The following PLCH2 variants were observed in gnomAD, a reference collection of about 807,000 sequenced individuals.
PLCH2 encodes the protein 1-phosphatidylinositol 4,5-bisphosphate phosphodiesterase eta-2.
Under a neutral mutation model 134.7 loss-of-function variants are expected in PLCH2, and 98 were observed. The ratio of observed to expected loss-of-function variants is 0.73; its 90% CI spans 0.62 to 0.86. The LOEUF is 0.86. Ranked by LOEUF, PLCH2 falls within the 40% of genes least tolerant of loss-of-function variation. The pLI, the probability that PLCH2 is intolerant of heterozygous loss-of-function variation, is 0.00. For missense variants in PLCH2, 1,994 were observed against 1,986.6 expected, an observed-to-expected ratio of 1.00 and a Z score of -0.07; for synonymous variants, 974 against 827.5, an observed-to-expected ratio of 1.18 and a Z score of -3.04.
rs1643389533 is a variant in PLCH2 at position 2,504,044 on chromosome 1, C to G, written c.3082C>G (p.Gln1028Glu). 2 of 1,545,980 alleles carry G rather than the reference C, an allele frequency of 1.3e-6. No homozygotes were observed. The highest frequency in any genetic ancestry group is 1.7e-6 in the Non-Finnish European group (2 of 1,143,984). The change falls in exon 22 of 22, where the codon CAG (glutamine) becomes GAG (glutamate). Residue 1028 changes from glutamine (Q) to glutamate (E), a missense_variant. Coordinates refer to ENST00000378486, the MANE Select transcript of PLCH2 (RefSeq NM_014638.4). ...PPAAVPTSSS[Q>E]GRPPYPTGPG... ...AGCGGCTGTCCCCACCAGCTCTTCT[C>G]AGGGACGGCCCCCATACCCCACAGG...
intron 21 of PLCH2, 118 bp downstream of exon 21, chr1:2,502,527 C>A: frequency 9.1e-7 from 1 of 1,103,754 alleles, no homozygotes. Context: ...GTGGTGGGAT[C>A]CTGCGCCGGC....
At chr1:2,489,527 C>T (rs1642453644) in intron 9 of PLCH2, 149 bp downstream of exon 9, 5 of 835,260 alleles carry the variant, frequency 6.0e-6, no homozygotes, top group Non-Finnish European at 9.3e-6. Flanking sequence ...TGGCCTCCAT[C>T]TCCCCATGGT....
chr1:2,489,815 A>T lies in PLCH2; in HGVS notation c.1463A>T (p.Asp488Val). The T allele has an allele frequency of 6.2e-7, 1 of 1,613,784 alleles. No homozygotes were observed. The highest frequency in any genetic ancestry group is 8.5e-7 in the Non-Finnish European group (1 of 1,179,846). Residue 488 changes from aspartate (D) to valine (V), a missense_variant, in exon 10 of 22, where the codon GAT (aspartate) becomes GTT (valine). Physicochemically the swap from Asp to Val is radical, Grantham distance 152. Coordinates refer to ENST00000378486, the MANE Select transcript of PLCH2 (RefSeq NM_014638.4). ...SEDAEEGEVS[D>V]EDSADEIDDD... Reference sequence around the variant, plus strand: ...GATGCGGAGGAAGGCGAGGTGTCTGATGAGGACAGTGCTGATGAGATTGAC... The same window carrying T: ...GATGCGGAGGAAGGCGAGGTGTCTGTTGAGGACAGTGCTGATGAGATTGAC...
intron 2 of PLCH2, among the ~76,000 whole-genome samples, chr1:2,430,803 A>G (rs1010384979): frequency 6.6e-6 from 1 of 152,236 alleles, no homozygotes; most frequent in African/African-American, 2.4e-5. Context: ...ACCCCAGGGC[A>G]GGTGGGGCCG....
chr1:2,489,342 C>T lies in PLCH2; in HGVS notation c.1371C>T (p.Pro457=), dbSNP rs371479967. The T allele has an allele frequency of 2.5e-6, 4 of 1,613,734 alleles. No individual in the cohort carries two copies. Among genetic ancestry groups the T allele is most frequent in the Non-Finnish European group, 3.4e-6 (4 of 1,179,892 alleles). Reference sequence around the variant, plus strand: ...GCAGTGAAGATGCCACCACACTCCCCTCTCCACAGATGCTCAAGGGCAAGA... The same window carrying T: ...GCAGTGAAGATGCCACCACACTCCCTTCTCCACAGATGCTCAAGGGCAAGA... ...SVSSEDATTL[P]SPQMLKGKIL... Residue 457 remains proline, a synonymous_variant, in exon 9 of 22, where the codon CCC becomes CCT. Coordinates refer to ENST00000378486, the MANE Select transcript of PLCH2 (RefSeq NM_014638.4).
chr1:2,487,622 G>A lies in PLCH2; in HGVS notation c.1139G>A (p.Gly380Glu). Residue 380 changes from glycine to glutamate, a missense_variant, in exon 8 of 22, where the codon GGG becomes GAG. Gly to Glu is a moderately conservative substitution (Grantham distance 98, BLOSUM62 -2). Around this residue, in one of 2 missense-constraint regions of PLCH2, gnomAD observed 1,094 missense variants for 1,234.3 expected, o/e 0.89. Coordinates refer to ENST00000378486, the MANE Select transcript of PLCH2 (RefSeq NM_014638.4). ...GTGGACTGCTGGGATGGGCCCGACG[G>A]GGAGCCCATTGTGCACCATGGCTAC... Reference protein sequence around the residue: ...VEVDCWDGPDGEPIVHHGYTL... With the variant: ...VEVDCWDGPDEEPIVHHGYTL... The A allele has an allele frequency of 6.2e-7, 1 of 1,613,240 alleles. No individual in the cohort carries two copies. The highest frequency in any genetic ancestry group is 8.5e-7 in the Non-Finnish European group (1 of 1,179,794).
In PLCH2 at chr1:2,487,367, T is replaced by A; in HGVS notation, c.1105T>A (p.Cys369Ser). The A allele has an allele frequency of 6.2e-7, 1 of 1,612,680 alleles. No homozygotes were observed. The highest frequency in any genetic ancestry group is 1.1e-5 in the South Asian group (1 of 91,016). ...TTGGGTCCTGCAGGCTGGCTGCCGC[T>A]GCGTGGAGGGTAAGCCCTGGACCTT... ...YAWVLQAGCR[C>S]VEVDCWDGPD... Residue 369 changes from cysteine to serine, a missense_variant, in exon 7 of 22, where the codon TGC (cysteine) becomes AGC (serine). By Grantham distance (112) the Cys-to-Ser change is moderately radical. Transcript: ENST00000378486.
chr1:2,453,692 C>T (rs1640351361), intron 2 of PLCH2, among the ~76,000 whole-genome samples: 1 of 152,208 alleles, frequency 6.6e-6, no homozygotes, highest in Non-Finnish European at 1.5e-5. Flanking sequence ...GGAAAGTGCA[C>T]CCCAGTGCCT....
At chr1:2,423,174 TTTGTTTGTTTGTTTG>T (rs1376242599), upstream of PLCH2, among the ~76,000 whole-genome samples, 45 of 89,954 alleles carry the variant, frequency 5.0e-4, 1 homozygote, top group East Asian at 8.1e-3. Context: ...AGTTTTTTTG[TTTGTTTGTTTGTTTG>T]TTGTTTGTTT....
chr1:2,425,164 C>CA (rs59406327), upstream of PLCH2, among the ~76,000 whole-genome samples: 32,621 of 86,062 alleles, frequency 0.38, 5,373 homozygotes, highest in East Asian at 0.47. Flanking sequence ...CACTCCGTCT[C>CA]AAAAAAAAAA....
At chr1:2,423,307 C>T (rs1044876670), upstream of PLCH2, among the ~76,000 whole-genome samples, 13 of 152,194 alleles carry the variant, frequency 8.5e-5, no homozygotes, top group African/African-American at 2.9e-4. Flanking sequence ...CCTGCCTCAG[C>T]TTCCTGAGTA....
At chr1:2,461,118 A>G (rs1409100018) in intron 2 of PLCH2, among the ~76,000 whole-genome samples, 3 of 152,196 alleles carry the variant, frequency 2.0e-5, no homozygotes, top group Non-Finnish European at 4.4e-5. Context: ...ATTGGTGGCC[A>G]TGGGGCAGTG....
At chr1:2,486,752 G>A (rs185125128) in intron 5 of PLCH2, among the ~76,000 whole-genome samples, 155 bp from the exon 6 acceptor site, 51 of 152,338 alleles carry the variant, frequency 3.3e-4, no homozygotes, top group Middle Eastern at 6.8e-3. Flanking sequence ...CGTGATCCAC[G>A]GTAGTCCCAA....
intron 2 of PLCH2, among the ~76,000 whole-genome samples, chr1:2,435,953 C>T (rs538713616): frequency 5.7e-5 from 8 of 139,684 alleles, no homozygotes; most frequent in Middle Eastern, 3.7e-3. Context: ...TCCCTCCTCT[C>T]CTCCTCCCTC....
rs752474507 is a variant in PLCH2 at position 2,504,525 on chromosome 1, C to T, written c.3563C>T (p.Ser1188Leu). The change falls in exon 22 of 22, where the codon TCG becomes TTG. Residue 1188 changes from serine (S) to leucine (L), a missense_variant. Ser to Leu is a moderately radical substitution (Grantham distance 145). Coordinates refer to ENST00000378486, the MANE Select transcript of PLCH2 (RefSeq NM_014638.4). ...GRLPPRPHSA[S>L]AARPDLPPVT... Reference sequence around the variant, plus strand: ...CTGCCCCCCAGGCCCCACTCGGCTTCGGCTGCCCGCCCAGACCTGCCACCT... The same window carrying T: ...CTGCCCCCCAGGCCCCACTCGGCTTTGGCTGCCCGCCCAGACCTGCCACCT... 9.9e-6 allele frequency: 16 copies of T among 1,612,484 alleles called. No individual in the cohort carries two copies. The highest frequency in any genetic ancestry group is 6.7e-5 in the Admixed American group (4 of 60,016).
intron 13 of PLCH2, 31 bp downstream of exon 13, chr1:2,495,601 C>T: frequency 1.3e-6 from 2 of 1,490,224 alleles, no homozygotes; most frequent in Non-Finnish European, 1.8e-6. Context: ...GGAGGCCCCG[C>T]ACACTCCTGG....
Position 2,476,517 on chromosome 1 carries a change from C to T in PLCH2, c.-72C>T. 3 of 1,406,666 alleles carry T rather than the reference C, an allele frequency of 2.1e-6. No homozygotes were observed. The highest frequency in any genetic ancestry group is 2.8e-6 in the Non-Finnish European group (3 of 1,077,134). The allele number at this position is 1,406,666 out of a possible 1,614,324, so 87.1% of individuals were successfully genotyped here. A position where few individuals can be genotyped will look rare whatever the true frequency, so the allele number is the denominator to read the frequency against. On this transcript the variant is annotated 5_prime_UTR_variant, in exon 1 of 22. Coordinates refer to ENST00000378486, the MANE Select transcript of PLCH2 (RefSeq NM_014638.4). ...GGTCCTGTCGCCAGCGCTGCCACTG[C>T]CTGACCTCCGCTGCCCGAAGGCCGG...
chr1:2,473,706 G>A (rs1443810602), upstream of PLCH2, among the ~76,000 whole-genome samples: 1 of 152,224 alleles, frequency 6.6e-6, no homozygotes, highest in East Asian at 1.9e-4. Flanking sequence ...CGAGGTCCCT[G>A]CCCCAGGGAT....
chr1:2,490,171 T>C (rs1642495288), intron 10 of PLCH2, among the ~76,000 whole-genome samples: 3 of 152,146 alleles, frequency 2.0e-5, no homozygotes, highest in Non-Finnish European at 4.4e-5. Flanking sequence ...CACTGGGGGC[T>C]GGGTCCCACG....
Sources: gnomAD v4.1 joint callset for allele counts (sites outside exome capture counted in the v4.1 genomes callset) on GRCh38, gnomAD v4.1.1 for gene constraint, gnomAD v4.1.1 regional missense constraint, MANE v1.5 for transcripts, NCBI Gene and HGNC (gene_info 2026-07-23, HGNC 2026-07-21) for gene names.